The following PLB1 variants were observed in gnomAD, a reference collection of about 807,000 sequenced individuals.
PLB1 encodes the protein phospholipase B1, membrane-associated.
Under a neutral mutation model 227.4 loss-of-function variants are expected in PLB1, and 242 were observed. The ratio of observed to expected loss-of-function variants is 1.06; its 90% confidence interval spans 0.96 to 1.18. The LOEUF is 1.18. Ranked by LOEUF, PLB1 falls within the 50% of genes most tolerant of loss-of-function variation. The pLI is 0.00. For synonymous variants in PLB1, 757 were observed against 682.2 expected, an observed-to-expected ratio of 1.11 and a Z score of -1.71; for missense variants, 1,858 against 1,816.3, an observed-to-expected ratio of 1.02 and a Z score of -0.42.
At chr2:28,509,090 A>G (rs983792704) in intron 1 of PLB1, among the ~76,000 whole-genome samples, 1 of 152,214 alleles carries the variant, frequency 6.6e-6, no homozygotes, top group African/African-American at 2.4e-5. Flanking sequence ...GAGGAAGTCA[A>G]TGTTCAGATA....
chr2:28,548,702 G>A, intron 14 of PLB1, 158 bp from the exon 15 acceptor site: 1 of 707,994 alleles, frequency 1.4e-6, no homozygotes. Context: ...CAGCCCCAGA[G>A]TCTCAGACTC....
rs767952062 is a variant in PLB1 at position 28,642,899 on chromosome 2, C to G, written c.4215C>G (p.Leu1405=). The change falls in exon 58 of 58, where the codon CTC becomes CTG. Residue 1405 remains leucine (L), a synonymous_variant. Coordinates refer to ENST00000327757, the MANE Select transcript of PLB1 (RefSeq NM_153021.5). Reference sequence around the variant, plus strand: ...ACACCCTGCGGAACAGCCGATTGCTCCCAGACCAGGCTGAAGAAGCCCCCG... The same window carrying G: ...ACACCCTGCGGAACAGCCGATTGCTGCCAGACCAGGCTGAAGAAGCCCCCG... The part of the protein sequence containing the change: ...YLYTLRNSRL[L]PDQAEEAPEV... 7.5e-6 allele frequency: 12 copies of G among 1,608,340 alleles called. No individual in the cohort carries two copies. The highest frequency in any genetic ancestry group is 2.2e-5 in the East Asian group (1 of 44,726).
At chr2:28,611,622 A>G (rs1685472970) in intron 43 of PLB1, among the ~76,000 whole-genome samples, 1 of 152,078 alleles carries the variant, frequency 6.6e-6, no homozygotes, top group South Asian at 2.1e-4. Flanking sequence ...GCACCTAGAA[A>G]TGCTCTCTAA....
intron 43 of PLB1, among the ~76,000 whole-genome samples, chr2:28,607,712 T>C (rs956783156): frequency 2.0e-5 from 3 of 150,776 alleles, no homozygotes; most frequent in African/African-American, 7.3e-5. Context: ...ACTGCTTTCC[T>C]AAGGATGCCT....
In PLB1 at chr2:28,540,369, T is replaced by G. The variant is rs1371329212; in HGVS notation, c.702T>G (p.Pro234=). ...CCTGGTGTGTTTTAACCTGCAGCCC[T>G]GCACCAGAGCCCTGTAATTGCTCAG... is the stretch of plus-strand genomic sequence containing the variant. The part of the protein sequence containing the change: ...SRQYHGTWLS[P]APEPCNCSEE... The change falls in exon 12 of 58, where the codon CCT becomes CCG. Residue 234 remains proline, a synonymous_variant. Coordinates refer to ENST00000327757, the MANE Select transcript of PLB1 (RefSeq NM_153021.5). The G allele has an allele frequency of 6.2e-7, 1 of 1,613,988 alleles. No individual in the cohort carries two copies. Among genetic ancestry groups the G allele is most frequent in the East Asian group, 2.2e-5 (1 of 44,872 alleles).
chr2:28,636,830 G>A (rs923497993), intron 56 of PLB1, among the ~76,000 whole-genome samples: 4 of 152,190 alleles, frequency 2.6e-5, no homozygotes, highest in African/African-American at 9.7e-5. Context: ...GCATGATGGT[G>A]TAGAGACTCA....
chr2:28,624,377 G>A (rs1318454519), intron 49 of PLB1, among the ~76,000 whole-genome samples: 2 of 150,498 alleles, frequency 1.3e-5, no homozygotes, highest in African/African-American at 4.9e-5. Flanking sequence ...ATGTTATTCG[G>A]TATACCAATA....
At chr2:28,629,551 T>C (rs963471214) in intron 53 of PLB1, among the ~76,000 whole-genome samples, 1 of 152,158 alleles carries the variant, frequency 6.6e-6, no homozygotes, top group Non-Finnish European at 1.5e-5. Context: ...TGTTCTGCCA[T>C]TTAGGAGCTA....
At chr2:28,640,609 C>A (rs1309732751) in intron 56 of PLB1, among the ~76,000 whole-genome samples, 1 of 152,198 alleles carries the variant, frequency 6.6e-6, no homozygotes, top group Non-Finnish European at 1.5e-5. Context: ...AGAGATGGTC[C>A]CAGCCCCTCC....
chr2:28,566,768 C>T (rs773415182), intron 19 of PLB1, 28 bp from the exon 20 acceptor site: 2 of 1,613,444 alleles, frequency 1.2e-6, no homozygotes, highest in East Asian at 4.5e-5. Flanking sequence ...TTTAACCCTT[C>T]ATTTTCTTTC....
At position 28,548,903 on chromosome 2, in the gene PLB1, A is replaced by C. The variant is rs1673736316; in HGVS notation, c.980A>C (p.His327Pro). The change falls in exon 15 of 58, where the codon CAC becomes CCC. Residue 327 changes from histidine to proline, a missense_variant. Coordinates refer to ENST00000327757, the MANE Select transcript of PLB1 (RefSeq NM_153021.5). ...AAAGATGAGCCATTGAGTGTAAAACACGGGAGGCCAATGAAGTGTCCCTCT... is the reference window on the plus strand; with the variant it reads ...AAAGATGAGCCATTGAGTGTAAAACCCGGGAGGCCAATGAAGTGTCCCTCT... Reference protein sequence around the residue: ...GEKDEPLSVKHGRPMKCPSQE... With the variant: ...GEKDEPLSVKPGRPMKCPSQE... The C allele has an allele frequency of 6.2e-7, 1 of 1,614,116 alleles. No homozygotes were observed. Among genetic ancestry groups the C allele is most frequent in the Non-Finnish European group, 8.5e-7 (1 of 1,179,986 alleles).
In PLB1 at chr2:28,578,036, G is replaced by A. The variant is rs547320784; in HGVS notation, c.1434-71G>A. 88 of 1,462,408 alleles carry A rather than the reference G, an allele frequency of 6.0e-5. 1 individual carries two copies. In the South Asian group the frequency reaches 9.4e-4, roughly 16 times the overall value. The allele number at this position is 1,462,408 out of a possible 1,614,324, so 90.6% of individuals were successfully genotyped here. Reference sequence around the variant, plus strand: ...GCCTTCCTCCACCATACATTTGATTGCTGTTCTCTCTGCTAAGGGCCCCTG... The same window carrying A: ...GCCTTCCTCCACCATACATTTGATTACTGTTCTCTCTGCTAAGGGCCCCTG... On this transcript the variant is annotated intron_variant, in intron 21 of 57. Coordinates refer to ENST00000327757, the MANE Select transcript of PLB1 (RefSeq NM_153021.5).
intron 20 of PLB1, among the ~76,000 whole-genome samples, chr2:28,569,965 CAAAA>C (rs200866382): frequency 3.2e-5 from 2 of 62,808 alleles, no homozygotes; most frequent in Non-Finnish European, 5.1e-5. Flanking sequence ...GACTCCATCT[CAAAA>C]AAAAAAAAAA....
At chr2:28,623,155 C>G (rs1558940912) in intron 49 of PLB1, among the ~76,000 whole-genome samples, 1 of 151,062 alleles carries the variant, frequency 6.6e-6, no homozygotes, top group Non-Finnish European at 1.5e-5. Flanking sequence ...CAACCTCTTC[C>G]TTTAAAAGAT....
At chr2:28,632,013 G>C (rs760983905) in intron 54 of PLB1, 23 bp from the exon 55 acceptor site, 41 of 1,596,870 alleles carry the variant, frequency 2.6e-5, no homozygotes, top group Non-Finnish European at 3.2e-5. Context: ...GGAGGGTTGA[G>C]CAGCTTCTCT....
At chr2:28,558,143 GGTGTGTGTGTCTCTGTGTGTGTGT>G (rs2148231604) in intron 17 of PLB1, among the ~76,000 whole-genome samples, 1 of 115,680 alleles carries the variant, frequency 8.6e-6, no homozygotes, top group East Asian at 3.2e-4. Context: ...AACATAGGGG[GGTGTGTGTGTCTCTGTGTGTGTGT>G]GTGTGTGTGT....
intron 16 of PLB1, among the ~76,000 whole-genome samples, chr2:28,552,456 TAACA>T (rs1674403324): frequency 6.6e-6 from 1 of 152,238 alleles, no homozygotes; most frequent in South Asian, 2.1e-4. Context: ...TTTGTTCAAC[TAACA>T]AATACTTGTT....
chr2:28,554,515 T>A (rs1299064460), intron 17 of PLB1, among the ~76,000 whole-genome samples: 1 of 110,108 alleles, frequency 9.1e-6, no homozygotes, highest in Non-Finnish European at 2.0e-5. Flanking sequence ...TTTTTTTTTT[T>A]TTTAAGAGAT....
intron 39 of PLB1, among the ~76,000 whole-genome samples, 193 bp from the exon 40 acceptor site, chr2:28,603,773 C>T (rs751302905): frequency 1.3e-5 from 2 of 152,222 alleles, no homozygotes; most frequent in East Asian, 1.9e-4. Context: ...CTCCCTCCCT[C>T]GGGCCATCTC....
Sources: allele counts gnomAD v4.1 joint callset (sites outside exome capture counted in the v4.1 genomes callset), GRCh38; gene constraint gnomAD v4.1.1; transcripts MANE v1.5; gene names NCBI Gene and HGNC (gene_info 2026-07-23, HGNC 2026-07-21).